Variants in RAB3C observed in about 807,000 individuals in gnomAD.
RAB3C encodes RAB3C, member RAS oncogene family.
RAB3C carries 17 observed loss-of-function variants against 26.4 expected under a neutral mutation model. That is an observed-to-expected ratio of 0.64 (90% CI 0.44 to 0.97). The LOEUF (loss-of-function observed/expected upper bound fraction) is 0.97. RAB3C is among the 50% of genes least tolerant of loss of function. RAB3C has a pLI of 0.00. For missense variants in RAB3C, 242 were observed against 281.9 expected (o/e 0.86, Z 1.01); for synonymous variants, 91 against 95.9 (o/e 0.95, Z 0.30).
At chr5:58,589,433 T>C (rs1291887531) in intron 1 of RAB3C, among the ~76,000 whole-genome samples, 1 of 152,216 alleles carries the variant, frequency 6.6e-6, no homozygotes, top group Non-Finnish European at 1.5e-5. Flanking sequence ...AGCTGAGAAG[T>C]ACTCTTTGCC....
intron 1 of RAB3C, among the ~76,000 whole-genome samples, chr5:58,595,178 T>C (rs1746221022): frequency 6.6e-6 from 1 of 152,184 alleles, no homozygotes; most frequent in African/African-American, 2.4e-5. Context: ...AGAACATATT[T>C]ACTGTTTCCT....
chr5:58,832,368 A>C (rs756104209), intron 4 of RAB3C, among the ~76,000 whole-genome samples: 7 of 152,240 alleles, frequency 4.6e-5, no homozygotes, highest in Non-Finnish European at 7.3e-5. Context: ...CAGTGGGGTC[A>C]CACTAGGAGT....
At chr5:58,791,311 G>A (rs1244457312) in intron 3 of RAB3C, among the ~76,000 whole-genome samples, 2 of 152,168 alleles carry the variant, frequency 1.3e-5, no homozygotes, top group Admixed American at 6.5e-5. Context: ...AAGGAATCAA[G>A]AGAGAGTTGG....
intron 3 of RAB3C, among the ~76,000 whole-genome samples, chr5:58,755,653 T>C (rs1741639317): frequency 6.6e-6 from 1 of 152,178 alleles, no homozygotes; most frequent in South Asian, 2.1e-4. Context: ...GAAAGAAACC[T>C]GTTTCTCCTT....
chr5:58,595,785 A>G (rs529620741), intron 1 of RAB3C, among the ~76,000 whole-genome samples: 20 of 152,214 alleles, frequency 1.3e-4, no homozygotes, highest in Non-Finnish European at 5.9e-5. Context: ...TTGAAAACAC[A>G]ATGTCTGGTG....
chr5:58,719,532 A>G (rs1329180925), intron 2 of RAB3C, among the ~76,000 whole-genome samples: 1 of 151,956 alleles, frequency 6.6e-6, no homozygotes, highest in Admixed American at 6.6e-5. Context: ...CTAGTTTCCT[A>G]GGGCTGCTAT....
In RAB3C at chr5:58,857,614, T is replaced by C. The variant is rs1744294616; in HGVS notation, c.*6263T>C. On this transcript the variant is annotated 3_prime_UTR_variant, in exon 5 of 5. Transcript: ENST00000282878. ...TATATTTTATTGTTACTCAATCTTG[T>C]ATTTTATTTACAAATTCAACACTGT... The C allele has an allele frequency of 6.6e-6, 1 of 152,220 alleles. No homozygotes were observed. Among genetic ancestry groups the C allele is most frequent in the African/African-American group, 2.4e-5 (1 of 41,460 alleles). 9.4% of individuals were successfully genotyped at this position (152,220 alleles called of 1,614,324 possible).
chr5:58,844,772 C>A (rs1230058376), intron 4 of RAB3C, among the ~76,000 whole-genome samples: 1 of 152,082 alleles, frequency 6.6e-6, no homozygotes, highest in African/African-American at 2.4e-5. Context: ...TAATTTATTG[C>A]AGTGTGACTT....
At chr5:58,656,028 A>G (rs904005478) in intron 2 of RAB3C, among the ~76,000 whole-genome samples, 4 of 151,710 alleles carry the variant, frequency 2.6e-5, no homozygotes, top group Non-Finnish European at 5.9e-5. Flanking sequence ...CTCGTGATCC[A>G]CCCGCCTTGG....
chr5:58,663,803 A>T (rs368570097), intron 2 of RAB3C, among the ~76,000 whole-genome samples: 5 of 152,204 alleles, frequency 3.3e-5, no homozygotes, highest in African/African-American at 1.2e-4. Flanking sequence ...GCTGAAAATG[A>T]TAAGAACTGG....
chr5:58,743,551 C>G (rs1374970522), intron 3 of RAB3C, among the ~76,000 whole-genome samples: 1 of 152,086 alleles, frequency 6.6e-6, no homozygotes, highest in East Asian at 1.9e-4. Context: ...TCCTAATGCT[C>G]TCCCTCCCCC....
At chr5:58,693,336 G>GTATGTATATATATATATA (rs1341115094) in intron 2 of RAB3C, among the ~76,000 whole-genome samples, 1 of 111,770 alleles carries the variant, frequency 8.9e-6, no homozygotes, top group African/African-American at 3.7e-5. Context: ...ATATATATGT[G>GTATGTATATATATATATA]TATATATATA....
chr5:58,845,636 GTATATATACA>G (rs1460898632), intron 4 of RAB3C, among the ~76,000 whole-genome samples: 15 of 109,020 alleles, frequency 1.4e-4, no homozygotes, highest in African/African-American at 4.3e-4. Context: ...GTGTGTATAT[GTATATATACA>G]TATATATACA....
chr5:58,774,248 T>C (rs1320871808), intron 3 of RAB3C, among the ~76,000 whole-genome samples: 3 of 152,210 alleles, frequency 2.0e-5, no homozygotes, highest in Non-Finnish European at 4.4e-5. Context: ...CTATCCTTGC[T>C]TCCTGTACAC....
At chr5:58,683,132 T>G (rs1334658483) in intron 2 of RAB3C, among the ~76,000 whole-genome samples, 2 of 152,202 alleles carry the variant, frequency 1.3e-5, no homozygotes, top group African/African-American at 2.4e-5. Flanking sequence ...CTCATGAACA[T>G]GGTTTATTAT....
intron 1 of RAB3C, among the ~76,000 whole-genome samples, chr5:58,613,820 T>A (rs570749937): frequency 1.4e-4 from 22 of 152,158 alleles, no homozygotes; most frequent in African/African-American, 5.3e-4. Flanking sequence ...TGTGTTCAAT[T>A]TTTCAGACAC....
At chr5:58,735,467 A>C (rs924889082) in intron 3 of RAB3C, among the ~76,000 whole-genome samples, 11 of 152,198 alleles carry the variant, frequency 7.2e-5, no homozygotes, top group Non-Finnish European at 1.3e-4. Flanking sequence ...CACCACGTCT[A>C]CTGCATATTA....
intron 2 of RAB3C, among the ~76,000 whole-genome samples, chr5:58,691,617 G>C (rs992646406): frequency 6.6e-6 from 1 of 152,080 alleles, no homozygotes; most frequent in Non-Finnish European, 1.5e-5. Context: ...GAACAGTCTT[G>C]GTACAAAATG....
chr5:58,839,220 A>T (rs543085721), intron 4 of RAB3C, among the ~76,000 whole-genome samples: 1 of 151,694 alleles, frequency 6.6e-6, no homozygotes, highest in Non-Finnish European at 1.5e-5. Flanking sequence ...TTATTATTTC[A>T]TAGGTGAGGA....
Sources: allele counts gnomAD v4.1 joint callset (sites outside exome capture counted in the v4.1 genomes callset), GRCh38; gene constraint gnomAD v4.1.1; transcripts MANE v1.5; gene names NCBI Gene and HGNC (gene_info 2026-07-23, HGNC 2026-07-21).